REC114: variants seen among roughly 807,000 people sequenced by gnomAD.
REC114 encodes REC114 meiotic recombination protein, also known as meiotic recombination protein REC114.
A neutral mutation model predicts 31.3 loss-of-function variants in REC114; 27 were observed. The ratio of observed to expected loss-of-function variants is 0.86; its 90% CI spans 0.64 to 1.19. The LOEUF (loss-of-function observed/expected upper bound fraction) is 1.19, where lower values mean the gene tolerates loss of function less well. Among genes scored for constraint, REC114 ranks in the 50% most tolerant of loss-of-function variants. REC114 has a pLI of 0.00. For missense variants in REC114, 344 were observed against 326.9 expected, an observed-to-expected ratio of 1.05 and a Z score of -0.40; for synonymous variants, 134 against 127.7, an observed-to-expected ratio of 1.05 and a Z score of -0.33.
At chr15:73,463,397 T>A (rs922264228) in intron 1 of REC114, among the ~76,000 whole-genome samples, 2 of 152,242 alleles carry the variant, frequency 1.3e-5, no homozygotes, top group African/African-American at 2.4e-5. Context: ...TTCTTGTATT[T>A]TCTTTATATA....
At chr15:73,506,744 C>CT (rs1294920409) in intron 2 of REC114, among the ~76,000 whole-genome samples, 1 of 152,118 alleles carries the variant, frequency 6.6e-6, no homozygotes, top group African/African-American at 2.4e-5. Context: ...GCAAATAACT[C>CT]TATCAAACTT....
chr15:73,453,392 A>C (rs1423494733), intron 1 of REC114, among the ~76,000 whole-genome samples: 1 of 152,238 alleles, frequency 6.6e-6, no homozygotes, highest in Non-Finnish European at 1.5e-5. Flanking sequence ...TGGTCATTAG[A>C]GCAATGCAAA....
chr15:73,461,265 A>T (rs1342401554), intron 1 of REC114, among the ~76,000 whole-genome samples: 1 of 152,142 alleles, frequency 6.6e-6, no homozygotes, highest in South Asian at 2.1e-4. Flanking sequence ...ACACTCTACA[A>T]GTTTGTTGAA....
intron 1 of REC114, among the ~76,000 whole-genome samples, chr15:73,449,058 T>G (rs1369016637): frequency 2.6e-5 from 4 of 152,022 alleles, no homozygotes; most frequent in Non-Finnish European, 4.4e-5. Flanking sequence ...GCAAAAAGGC[T>G]GAAAATTCCA....
At chr15:73,530,634 C>G (rs916876486) in intron 2 of REC114, among the ~76,000 whole-genome samples, 1 of 152,110 alleles carries the variant, frequency 6.6e-6, no homozygotes, top group African/African-American at 2.4e-5. Flanking sequence ...GGCAACAGAG[C>G]AAAACTCTGT....
chr15:73,468,910 G>A (rs1466084961), intron 1 of REC114, among the ~76,000 whole-genome samples: 1 of 151,830 alleles, frequency 6.6e-6, no homozygotes, highest in Non-Finnish European at 1.5e-5. Context: ...ATTTACCCAT[G>A]AGTAAATAAG....
chr15:73,469,737 T>A (rs1893107895), intron 1 of REC114, among the ~76,000 whole-genome samples: 1 of 147,184 alleles, frequency 6.8e-6, no homozygotes, highest in Admixed American at 7.0e-5. Context: ...CAGGCTGGAG[T>A]GCAGTGGCGC....
intron 2 of REC114, among the ~76,000 whole-genome samples, chr15:73,536,467 G>C (rs1894158210): frequency 6.6e-6 from 1 of 152,166 alleles, no homozygotes; most frequent in African/African-American, 2.4e-5. Context: ...GGAGCTCAGT[G>C]ATGTTAACCG....
chr15:73,505,605 C>T (rs987633536), intron 2 of REC114, among the ~76,000 whole-genome samples: 27 of 152,086 alleles, frequency 1.8e-4, no homozygotes, highest in African/African-American at 6.5e-4. Context: ...GATCTCCGCT[C>T]ACTGCAAGCT....
At chr15:73,510,086 C>T (rs2141314104) in intron 2 of REC114, among the ~76,000 whole-genome samples, 1 of 152,034 alleles carries the variant, frequency 6.6e-6, no homozygotes, top group East Asian at 1.9e-4. Context: ...ATGGAATGTT[C>T]TTCCATTTGT....
At chr15:73,555,425 T>C (rs1894451644) in intron 4 of REC114, among the ~76,000 whole-genome samples, 1 of 152,176 alleles carries the variant, frequency 6.6e-6, no homozygotes, top group Non-Finnish European at 1.5e-5. Flanking sequence ...ACCTTGTTCA[T>C]TCCATTTGCC....
intron 1 of REC114, 76 bp from the exon 2 acceptor site, chr15:73,473,756 G>T: frequency 1.3e-6 from 1 of 771,668 alleles, no homozygotes; most frequent in South Asian, 1.8e-5. Context: ...GAAAACACTT[G>T]GTCATCAGTA....
intron 1 of REC114, among the ~76,000 whole-genome samples, chr15:73,448,310 G>T (rs559852871): frequency 6.6e-6 from 1 of 152,234 alleles, no homozygotes; most frequent in Admixed American, 6.5e-5. Flanking sequence ...TATCTTGGTG[G>T]GGGGAAGGGC....
rs150888619 is a variant in REC114 at position 73,471,427 on chromosome 15, G to A, written c.160-2405G>A. ...AAAGAAGAAAATTATTTTCTGAGGT[G>A]AAAATGTTGTGATGTCAAATGTCTA... On this transcript the variant is annotated intron_variant, in intron 1 of 5. Transcript: ENST00000331090. Among the ~76,000 whole-genome samples the A allele has an allele frequency of 5.0e-3, 754 of 152,310 alleles. 6 individuals carry two copies. The highest frequency in any genetic ancestry group is 0.017 in the African/African-American group (715 of 41,574).
chr15:73,474,793 AT>A (rs1359813207), intron 2 of REC114, among the ~76,000 whole-genome samples: 2 of 152,126 alleles, frequency 1.3e-5, no homozygotes, highest in Non-Finnish European at 2.9e-5. Context: ...AAAGACATTA[AT>A]TCTTTTTGGA....
At position 73,453,664 on chromosome 15, in the gene REC114, G is replaced by A. The variant is rs1002956944; in HGVS notation, c.159+10320G>A. On this transcript the variant is annotated intron_variant, in intron 1 of 5. Transcript: ENST00000331090. ...AAATCATTCTGCTATAAAGACACAT[G>A]CACATGTATGTTTATTGCAGCACTG... 3.9e-5 allele frequency among the ~76,000 whole-genome samples: 6 copies of A among 152,130 alleles called. No individual in the cohort carries two copies. In the South Asian group the frequency reaches 6.2e-4, roughly 16 times the overall value.
intron 2 of REC114, among the ~76,000 whole-genome samples, chr15:73,535,366 T>A (rs1056222289): frequency 2.1e-4 from 32 of 152,252 alleles, no homozygotes; most frequent in South Asian, 4.1e-4. Context: ...AAAAATCACA[T>A]GCATTCTTAT....
At chr15:73,545,030 A>T (rs1894290459) in intron 3 of REC114, among the ~76,000 whole-genome samples, 1 of 152,222 alleles carries the variant, frequency 6.6e-6, no homozygotes, top group South Asian at 2.1e-4. Flanking sequence ...TGGCCTAAGC[A>T]TCTCTGTATG....
At chr15:73,459,324 G>A (rs1179147418) in intron 1 of REC114, among the ~76,000 whole-genome samples, 1 of 151,348 alleles carries the variant, frequency 6.6e-6, no homozygotes, top group Non-Finnish European at 1.5e-5. Context: ...CCACCTCGCA[G>A]GGTCAAGCGA....
Sources: allele counts gnomAD v4.1 joint callset (sites outside exome capture counted in the v4.1 genomes callset), GRCh38; gene constraint gnomAD v4.1.1; transcripts MANE v1.5; gene names NCBI Gene and HGNC (gene_info 2026-07-23, HGNC 2026-07-21).